NT5E: variants seen among roughly 807,000 people sequenced by gnomAD.
The protein encoded by NT5E is 5'-nucleotidase ecto.
NT5E carries 53 observed loss-of-function variants against 55.1 expected under a neutral mutation model. That is an observed-to-expected ratio of 0.96 (90% CI 0.77 to 1.21). NT5E has a LOEUF of 1.21. NT5E is among the 50% of genes most tolerant of loss of function. The probability of loss-of-function intolerance (pLI) is 0.00; values close to 1 mark genes in which losing one functional copy is unlikely to be tolerated. For synonymous variants in NT5E, 270 were observed against 278.4 expected, an observed-to-expected ratio of 0.97 and a Z score of 0.30; for missense variants, 683 against 724.3, an observed-to-expected ratio of 0.94 and a Z score of 0.65.
At chr6:85,493,680 C>A (rs574972260) in intron 8 of NT5E, among the ~76,000 whole-genome samples, 161 bp from the exon 9 acceptor site, 27 of 152,262 alleles carry the variant, frequency 1.8e-4, no homozygotes, top group South Asian at 1.7e-3. Context: ...CATGAAAAAG[C>A]AATCAAATTC....
rs141463176 is a variant in NT5E at position 85,463,279 on chromosome 6, A to G, written c.340-3781A>G. Among the ~76,000 whole-genome samples the G allele has an allele frequency of 2.2e-3, 335 of 152,308 alleles. 1 individual carries two copies. The highest frequency in any genetic ancestry group is 6.8e-3 in the Middle Eastern group (2 of 294). On this transcript the variant is annotated intron_variant, in intron 1 of 8. Coordinates refer to ENST00000257770, the MANE Select transcript of NT5E (RefSeq NM_002526.4). Reference sequence around the variant, plus strand: ...AGTGTTTTTAGTAAACATATACAAGATGTCATAGGGATAGAATTAGTGAAG... The same window carrying G: ...AGTGTTTTTAGTAAACATATACAAGGTGTCATAGGGATAGAATTAGTGAAG...
At chr6:85,457,154 C>T (rs891286778) in intron 1 of NT5E, among the ~76,000 whole-genome samples, 1 of 152,166 alleles carries the variant, frequency 6.6e-6, no homozygotes, top group South Asian at 2.1e-4. Context: ...TTCCGCTTAC[C>T]GCTGACAGCT....
chr6:85,471,380 G>C lies in NT5E; in HGVS notation c.706G>C (p.Val236Leu). Residue 236 changes from valine to leucine, a missense_variant, in exon 3 of 9, where the codon GTG becomes CTG. Physicochemically the swap from Val to Leu is conservative, Grantham distance 32. Transcript: ENST00000257770. The stretch of plus-strand genomic sequence containing the variant: ...ACTCATCGCTCAGAAAGTGAGGGGT[G>C]TGGACGTCGTGGTGGGAGGACACTC... ...DKLIAQKVRG[V>L]DVVVGGHSNT... 1.2e-6 allele frequency: 2 copies of C among 1,612,956 alleles called. No individual in the cohort carries two copies. The highest frequency in any genetic ancestry group is 4.5e-5 in the East Asian group (2 of 44,850).
rs752982012 is a variant in NT5E, at chr6:85,450,436, C to G, written c.297C>G (p.Ala99=). Residue 99 remains alanine (A), a synonymous_variant, in exon 1 of 9, where the codon GCC becomes GCG. Transcript: ENST00000257770. The surrounding 1 kb of genome is among the most constrained non-coding windows in gnomAD (Gnocchi z 4.0). Reference sequence around the variant, plus strand: ...TCTGGTTCACCGTGTACAAGGGCGCCGAGGTGGCGCACTTCATGAACGCCC... The same window carrying G: ...TCTGGTTCACCGTGTACAAGGGCGCGGAGGTGGCGCACTTCATGAACGCCC... ...GTIWFTVYKG[A]EVAHFMNALR... is the part of the protein sequence containing the mutation. The G allele has an allele frequency of 6.2e-7, 1 of 1,602,008 alleles. No individual in the cohort carries two copies. The highest frequency in any genetic ancestry group is 1.7e-5 in the Admixed American group (1 of 58,066).
chr6:85,455,114 G>A (rs976463809), intron 1 of NT5E, among the ~76,000 whole-genome samples: 15 of 152,188 alleles, frequency 9.9e-5, no homozygotes, highest in African/African-American at 1.7e-4. Context: ...TGGTTTCTGC[G>A]TAGAAGACCA....
intron 1 of NT5E, among the ~76,000 whole-genome samples, chr6:85,458,454 T>C (rs1473519090): frequency 6.6e-6 from 1 of 152,170 alleles, no homozygotes; most frequent in Non-Finnish European, 1.5e-5. Context: ...AAAGGTAGTT[T>C]CTCAGCTCAT....
rs1769688988 is a variant in NT5E, at chr6:85,487,352, G to C, written c.967G>C (p.Asp323His). The C allele has an allele frequency of 6.2e-7, 1 of 1,613,558 alleles. No homozygotes were observed. Among genetic ancestry groups the C allele is most frequent in the Non-Finnish European group, 8.5e-7 (1 of 1,179,528 alleles). Reference sequence around the variant, plus strand: ...TCTTCTAGATCCAAGCATAAAAGCAGACATTAACAAATGGAGGATAAAATT... The same window carrying C: ...TCTTCTAGATCCAAGCATAAAAGCACACATTAACAAATGGAGGATAAAATT... ...SIPEDPSIKA[D>H]INKWRIKLDN... Residue 323 changes from aspartate to histidine, a missense_variant, in exon 5 of 9, where the codon GAC becomes CAC. Asp to His is a moderately conservative substitution (Grantham distance 81, BLOSUM62 -1). Coordinates refer to ENST00000257770, the MANE Select transcript of NT5E (RefSeq NM_002526.4).
intron 2 of NT5E, among the ~76,000 whole-genome samples, chr6:85,468,426 T>C (rs565293638): frequency 6.6e-6 from 1 of 152,290 alleles, no homozygotes; most frequent in Non-Finnish European, 1.5e-5. Context: ...GAGAGCTGTG[T>C]AAAACATCCC....
In NT5E at chr6:85,450,894, A is replaced by G. The variant is rs1582364337; in HGVS notation, c.339+416A>G. ...CTTTATCTCAATCTTATTGAAAGGG[A>G]AACCGCGTCGAAGAAGCTGAATAAA... On this transcript the variant is annotated intron_variant, in intron 1 of 8. Coordinates refer to ENST00000257770, the MANE Select transcript of NT5E (RefSeq NM_002526.4). This position sits in a 1 kb window ranked among gnomAD's most constrained non-coding sequence, Gnocchi z 4.0. Among the ~76,000 whole-genome samples the G allele has an allele frequency of 6.6e-6, 1 of 152,228 alleles. No individual in the cohort carries two copies. Among genetic ancestry groups the G allele is most frequent in the South Asian group, 2.1e-4 (1 of 4,832 alleles).
At chr6:85,466,193 C>T (rs1360418161) in intron 1 of NT5E, among the ~76,000 whole-genome samples, 3 of 152,070 alleles carry the variant, frequency 2.0e-5, no homozygotes, top group East Asian at 1.9e-4. Flanking sequence ...CAACTCACTA[C>T]GGGGAGCTGC....
intron 1 of NT5E, among the ~76,000 whole-genome samples, chr6:85,459,876 C>A (rs966698646): frequency 6.6e-6 from 1 of 152,140 alleles, no homozygotes; most frequent in Non-Finnish European, 1.5e-5. Flanking sequence ...AATCAACGAT[C>A]AAAGAATGAA....
chr6:85,466,328 T>G (rs1769192647), intron 1 of NT5E, among the ~76,000 whole-genome samples: 1 of 152,184 alleles, frequency 6.6e-6, no homozygotes, highest in Non-Finnish European at 1.5e-5. Flanking sequence ...CCTGAAGCCC[T>G]GCGCTGGGAG....
chr6:85,455,912 T>C (rs1768980338), intron 1 of NT5E, among the ~76,000 whole-genome samples: 1 of 151,818 alleles, frequency 6.6e-6, no homozygotes. Context: ...AGTTTGTGTG[T>C]ATGTGTGTGT....
intron 2 of NT5E, among the ~76,000 whole-genome samples, chr6:85,469,493 G>A (rs543317562): frequency 6.6e-6 from 1 of 152,336 alleles, no homozygotes; most frequent in African/African-American, 2.4e-5. Context: ...TATGTCAGAA[G>A]GTGCTAAGGC....
At chr6:85,476,409 G>A (rs1359718085) in intron 3 of NT5E, among the ~76,000 whole-genome samples, 7 of 152,356 alleles carry the variant, frequency 4.6e-5, no homozygotes, top group Admixed American at 1.3e-4. Flanking sequence ...TGGGTGCAGA[G>A]GGTGGGACAA....
chr6:85,491,555 C>T (rs995110074), intron 7 of NT5E, among the ~76,000 whole-genome samples: 1 of 152,242 alleles, frequency 6.6e-6, no homozygotes, highest in African/African-American at 2.4e-5. Context: ...CACTGCATAG[C>T]TCTATGCCTT....
chr6:85,473,699 T>G (rs901259712), intron 3 of NT5E, among the ~76,000 whole-genome samples: 1 of 152,120 alleles, frequency 6.6e-6, no homozygotes, highest in African/African-American at 2.4e-5. Context: ...GCACCCCAAC[T>G]TTTCTGTTTT....
intron 3 of NT5E, among the ~76,000 whole-genome samples, chr6:85,483,342 A>G (rs1314777384): frequency 2.0e-5 from 3 of 152,202 alleles, no homozygotes; most frequent in East Asian, 3.9e-4. Flanking sequence ...GGCTGCCATA[A>G]CTACCTGGTC....
chr6:85,468,791 G>C (rs1176715619), intron 2 of NT5E, among the ~76,000 whole-genome samples: 1 of 152,142 alleles, frequency 6.6e-6, no homozygotes, highest in East Asian at 1.9e-4. Flanking sequence ...TGCAGGTCTT[G>C]GTGGAAAGGC....
Sources: gnomAD v4.1 joint callset for allele counts (sites outside exome capture counted in the v4.1 genomes callset) on GRCh38, gnomAD v4.1.1 for gene constraint, Gnocchi (gnomAD v3.1) non-coding constraint, MANE v1.5 for transcripts, NCBI Gene and HGNC (gene_info 2026-07-23, HGNC 2026-07-21) for gene names.